The following BIK variants were observed in gnomAD, a reference collection of about 807,000 sequenced individuals.
The protein encoded by BIK is BCL2 interacting killer.
Under a neutral mutation model 12.1 loss-of-function variants are expected in BIK, and 14 were observed. The observed-to-expected ratio is 1.16, with a 90% CI of 0.77 to 1.81. The LOEUF is 1.81. Ranked by LOEUF, BIK falls within the 40% of genes most tolerant of loss-of-function variation. BIK has a pLI of 0.00. For synonymous variants in BIK, 86 were observed against 92.3 expected (o/e 0.93, Z 0.39); for missense variants, 215 against 207.9 (o/e 1.03, Z -0.21).
intron 1 of BIK, among the ~76,000 whole-genome samples, chr22:43,123,778 A>G (rs1930260649): frequency 1.3e-5 from 2 of 152,104 alleles, no homozygotes; most frequent in Non-Finnish European, 2.9e-5. Flanking sequence ...GCCCTTATGA[A>G]TCATCTTCAA....
chr22:43,126,188 CT>C (rs549572600), intron 2 of BIK, among the ~76,000 whole-genome samples: 189 of 137,110 alleles, frequency 1.4e-3, no homozygotes, highest in East Asian at 1.5e-3. Context: ...GCATGCCCGG[CT>C]TTTTTTTTTT....
intron 1 of BIK, among the ~76,000 whole-genome samples, chr22:43,114,583 G>A (rs1363615105): frequency 6.6e-6 from 1 of 152,158 alleles, no homozygotes; most frequent in Non-Finnish European, 1.5e-5. Context: ...TTACAGGTGC[G>A]AGCCACCGTG....
rs1601735098 is a variant in BIK, at chr22:43,129,109, C to T, written c.391-104C>T. 9 of 1,584,428 alleles carry T rather than the reference C, an allele frequency of 5.7e-6. No homozygotes were observed. In the East Asian group the frequency reaches 2.0e-4, roughly 35 times the overall value. ...TCTCTGGTCCCCTCGAGCTCCTTCC[C>T]AGTCCCCACCCTCCTGGGCTTCCCC... On this transcript the variant is annotated intron_variant, in intron 4 of 4. Transcript: ENST00000216115.
In BIK at chr22:43,129,468, TTTG is replaced by T. The variant is rs1317664344; in HGVS notation, c.*166_*168del. Reference sequence around the variant, plus strand: ...CTGCTGAGGTTTTATACTCAGGTTTTTTGTTTTTTTTTTATTCCAGTTTTCGTT... The same window carrying T: ...CTGCTGAGGTTTTATACTCAGGTTTTTTTTTTTTTTATTCCAGTTTTCGTT... On this transcript the variant is annotated 3_prime_UTR_variant, in exon 5 of 5. Coordinates refer to ENST00000216115, the MANE Select transcript of BIK (RefSeq NM_001197.5). The T allele has an allele frequency of 1.6e-6, 2 of 1,219,496 alleles. No individual in the cohort carries two copies. Among genetic ancestry groups the T allele is most frequent in the African/African-American group, 1.6e-5 (1 of 63,032 alleles). The allele number at this position is 1,219,496 out of a possible 1,614,324, so 75.5% of individuals were successfully genotyped here.
chr22:43,126,286 C>T (rs1008532530), intron 2 of BIK, among the ~76,000 whole-genome samples: 13 of 151,390 alleles, frequency 8.6e-5, no homozygotes, highest in Non-Finnish European at 1.0e-4. Flanking sequence ...CCCTGGTTTA[C>T]GCCATTCTCC....
At chr22:43,116,528 G>A (rs1365638174) in intron 1 of BIK, among the ~76,000 whole-genome samples, 2 of 151,406 alleles carry the variant, frequency 1.3e-5, no homozygotes, top group African/African-American at 2.4e-5. Context: ...GCATAATCTC[G>A]GCTCACTACA....
intron 2 of BIK, among the ~76,000 whole-genome samples, chr22:43,125,547 A>G (rs894321889): frequency 3.1e-5 from 4 of 130,860 alleles, no homozygotes; most frequent in South Asian, 2.8e-4. Flanking sequence ...CTCTACTAAA[A>G]ATACAAATGT....
In BIK at chr22:43,128,478, C is replaced by G. The variant is rs1200389824; in HGVS notation, c.261-18C>G. On this transcript the variant is annotated intron_variant, in intron 3 of 4. Transcript: ENST00000216115. ...TCCTGCAGTAATGGCTTTGTCCCCC[C>G]ATCCTCTTTGTCTATAGCCTGGGTC... The G allele has an allele frequency of 1.3e-6, 2 of 1,565,006 alleles. No homozygotes were observed. Among genetic ancestry groups the G allele is most frequent in the Admixed American group, 1.8e-5 (1 of 55,612 alleles).
At chr22:43,113,151 C>T (rs6003066) in intron 1 of BIK, among the ~76,000 whole-genome samples, 21 of 152,198 alleles carry the variant, frequency 1.4e-4, no homozygotes, top group African/African-American at 5.1e-4. Flanking sequence ...TTGCACTGAG[C>T]GGAGATCACA....
In BIK at chr22:43,129,572, C is replaced by T; in HGVS notation, c.*267C>T. 1 of 556,384 alleles carries T rather than the reference C, an allele frequency of 1.8e-6. No homozygotes were observed. The highest frequency in any genetic ancestry group is 3.1e-6 in the Non-Finnish European group (1 of 326,396). 34.5% of individuals were successfully genotyped at this position (556,384 alleles called of 1,614,324 possible). A position where few individuals can be genotyped will look rare whatever the true frequency, so the allele number is the denominator to read the frequency against. On this transcript the variant is annotated 3_prime_UTR_variant, in exon 5 of 5. Coordinates refer to ENST00000216115, the MANE Select transcript of BIK (RefSeq NM_001197.5). Reference sequence around the variant, plus strand: ...TGGCCTGTGCCCAGGAAGAGCCATTCACTCCTGCCCCTGCCCACACGGCAG... The same window carrying T: ...TGGCCTGTGCCCAGGAAGAGCCATTTACTCCTGCCCCTGCCCACACGGCAG...
intron 2 of BIK, 67 bp downstream of exon 2, chr22:43,124,250 A>T: frequency 6.4e-7 from 1 of 1,571,006 alleles, no homozygotes; most frequent in Non-Finnish European, 8.7e-7. Flanking sequence ...GGATGAGCAG[A>T]CATTCTATGA....
chr22:43,119,455 A>G (rs1930178549), intron 1 of BIK, among the ~76,000 whole-genome samples: 1 of 152,158 alleles, frequency 6.6e-6, no homozygotes, highest in South Asian at 2.1e-4. Context: ...AACTGATAAG[A>G]GCAGCAGCCC....
At position 43,129,221 on chromosome 22, in the gene BIK, C is replaced by T. The variant is rs777795806; in HGVS notation, c.399C>T (p.Cys133=). The change falls in exon 5 of 5, where the codon TGC becomes TGT. Residue 133 remains cysteine (C), a synonymous_variant. Transcript: ENST00000216115. Reference sequence around the variant, plus strand: ...CTGCTTTGCTCCCACAGGTGTCCTGCGAACAGGTGCTGCTGGCGCTGCTGC... The same window carrying T: ...CTGCTTTGCTCCCACAGGTGTCCTGTGAACAGGTGCTGCTGGCGCTGCTGC... ...RSPNPGSWVS[C]EQVLLALLLL... is the part of the protein sequence containing the mutation. The T allele has an allele frequency of 5.0e-6, 8 of 1,604,636 alleles. No individual in the cohort carries two copies. The highest frequency in any genetic ancestry group is 2.2e-5 in the East Asian group (1 of 44,838).
Position 43,125,086 on chromosome 22 carries a change from G to A in BIK, c.161+903G>A, listed in dbSNP as rs764087010. Among the ~76,000 whole-genome samples, 10 of 152,130 alleles carry A rather than the reference G, an allele frequency of 6.6e-5. No individual in the cohort carries two copies. The South Asian group carries it at 1.0e-3, about 16-fold the overall frequency. ...TATAGGGCAACTTCCTGACGTTGCC[G>A]TGGCATTTGTAAACTGTCGTGGCAC... On this transcript the variant is annotated intron_variant, in intron 2 of 4. Coordinates refer to ENST00000216115, the MANE Select transcript of BIK (RefSeq NM_001197.5).
At chr22:43,128,257 GGGCTGGCGGGCGGCT>G (rs1317412555) in intron 3 of BIK, among the ~76,000 whole-genome samples, 2 of 152,158 alleles carry the variant, frequency 1.3e-5, no homozygotes, top group Non-Finnish European at 2.9e-5. Flanking sequence ...AACACCCGGT[GGGCTGGCGGGCGGCT>G]GGCTGGCGGA....
chr22:43,127,894 C>A, intron 3 of BIK, 99 bp downstream of exon 3: 1 of 1,168,066 alleles, frequency 8.6e-7, no homozygotes, highest in Non-Finnish European at 1.2e-6. Context: ...TGAGGAAGCT[C>A]TGTGGGGGAT....
intron 3 of BIK, among the ~76,000 whole-genome samples, chr22:43,128,183 C>CT (rs1930358449): frequency 1.3e-5 from 2 of 151,934 alleles, no homozygotes; most frequent in South Asian, 4.2e-4. Context: ...TGGGCAGTGG[C>CT]TTGTGAGGGC....
intron 2 of BIK, among the ~76,000 whole-genome samples, chr22:43,125,392 C>G (rs1400412262): frequency 6.6e-6 from 1 of 152,070 alleles, no homozygotes; most frequent in Non-Finnish European, 1.5e-5. Context: ...TCAACTGCCT[C>G]TGACGGCTCT....
intron 2 of BIK, among the ~76,000 whole-genome samples, chr22:43,127,433 A>C (rs1248104032): frequency 6.6e-6 from 1 of 152,182 alleles, no homozygotes; most frequent in Non-Finnish European, 1.5e-5. Context: ...CAAAGCCCAC[A>C]GGTGGGCCTG....
Sources: allele counts gnomAD v4.1 joint callset (sites outside exome capture counted in the v4.1 genomes callset), GRCh38; gene constraint gnomAD v4.1.1; transcripts MANE v1.5; gene names NCBI Gene and HGNC (gene_info 2026-07-23, HGNC 2026-07-21).